Variants in FSTL5 observed in about 807,000 individuals in gnomAD.
FSTL5 encodes the protein follistatin like 5.
FSTL5 carries 62 observed loss-of-function variants against 89.1 expected under a neutral mutation model. The ratio of observed to expected loss-of-function variants is 0.70; its 90% CI spans 0.57 to 0.86. The LOEUF (loss-of-function observed/expected upper bound fraction) is 0.86. FSTL5 is among the 40% of genes least tolerant of loss of function. FSTL5 has a pLI of 0.00. For missense variants in FSTL5, 1,057 were observed against 1,001.6 expected (o/e 1.06, Z -0.75); for synonymous variants, 383 against 346.2 (o/e 1.11, Z -1.18).
At chr4:161,856,531 TC>T (rs1293291906) in intron 4 of FSTL5, among the ~76,000 whole-genome samples, 1 of 151,964 alleles carries the variant, frequency 6.6e-6, no homozygotes, top group Non-Finnish European at 1.5e-5. Context: ...GGTACTCTTC[TC>T]AACCTAGAGA....
At chr4:161,392,397 C>T (rs1005151974) in intron 15 of FSTL5, among the ~76,000 whole-genome samples, 21 of 151,772 alleles carry the variant, frequency 1.4e-4, no homozygotes, top group Non-Finnish European at 2.6e-4. Flanking sequence ...TGCTAATTTT[C>T]GTATTTTTTG....
chr4:161,812,777 G>A (rs1374034914), intron 4 of FSTL5, among the ~76,000 whole-genome samples: 2 of 141,236 alleles, frequency 1.4e-5, no homozygotes, highest in Admixed American at 8.0e-5. Flanking sequence ...TCCTTATGCC[G>A]CCCATTCTGA....
intron 3 of FSTL5, among the ~76,000 whole-genome samples, chr4:161,959,666 A>C (rs1408141557): frequency 2.0e-5 from 3 of 152,122 alleles, no homozygotes; most frequent in Non-Finnish European, 4.4e-5. Context: ...ATATATTTAG[A>C]CTAGAGATGT....
At chr4:161,507,242 A>G (rs1404579512) in intron 11 of FSTL5, among the ~76,000 whole-genome samples, 4 of 151,928 alleles carry the variant, frequency 2.6e-5, no homozygotes, top group Admixed American at 2.6e-4. Context: ...AACATATATT[A>G]TAAACTTTGA....
chr4:161,650,964 T>A (rs1560770956), intron 7 of FSTL5, among the ~76,000 whole-genome samples: 1 of 152,150 alleles, frequency 6.6e-6, no homozygotes, highest in South Asian at 2.1e-4. Flanking sequence ...CTCGGTCACG[T>A]TAACACATCC....
At chr4:161,904,833 G>A (rs1182792593) in intron 4 of FSTL5, among the ~76,000 whole-genome samples, 3 of 151,606 alleles carry the variant, frequency 2.0e-5, no homozygotes, top group African/African-American at 7.3e-5. Flanking sequence ...TGAATGCCAG[G>A]CTTTTAAAAA....
At chr4:161,901,354 G>C (rs1365102547) in intron 4 of FSTL5, among the ~76,000 whole-genome samples, 2 of 152,142 alleles carry the variant, frequency 1.3e-5, no homozygotes, top group African/African-American at 4.8e-5. Flanking sequence ...CAGGGCCTCA[G>C]GTAGGAGTGA....
At chr4:161,672,186 CTA>C (rs2126699197) in intron 6 of FSTL5, among the ~76,000 whole-genome samples, 1 of 152,248 alleles carries the variant, frequency 6.6e-6, no homozygotes, top group South Asian at 2.1e-4. Context: ...CCAAGACTTC[CTA>C]AGTATTTCCC....
chr4:161,538,378 C>A, intron 9 of FSTL5, 78 bp from the exon 10 acceptor site: 1 of 1,495,580 alleles, frequency 6.7e-7, no homozygotes, highest in Admixed American at 1.7e-5. Context: ...CACAGTCAAA[C>A]AGTTCTCTTG....
At chr4:162,143,886 T>G (rs530034375) in intron 1 of FSTL5, among the ~76,000 whole-genome samples, 1 of 152,160 alleles carries the variant, frequency 6.6e-6, no homozygotes, top group Non-Finnish European at 1.5e-5. Context: ...ATCTCAAGTT[T>G]TTTGTATTTT....
At chr4:161,724,627 A>T (rs1739328044) in intron 6 of FSTL5, among the ~76,000 whole-genome samples, 1 of 152,206 alleles carries the variant, frequency 6.6e-6, no homozygotes, top group Non-Finnish European at 1.5e-5. Flanking sequence ...TCTATGTCTG[A>T]ATGCAATAGA....
intron 3 of FSTL5, among the ~76,000 whole-genome samples, chr4:161,936,427 C>G (rs359499): frequency 0.07 from 10,602 of 152,126 alleles, 1,023 homozygotes; most frequent in African/African-American, 0.22. Flanking sequence ...TAAAATAGAT[C>G]TGCAAGGATG....
chr4:161,516,942 G>A (rs1358040580), intron 10 of FSTL5, among the ~76,000 whole-genome samples: 1 of 152,062 alleles, frequency 6.6e-6, no homozygotes, highest in African/African-American at 2.4e-5. Flanking sequence ...TGCCCAGGCT[G>A]GAGCGTAGTG....
chr4:161,582,301 A>G (rs993969250), intron 8 of FSTL5, among the ~76,000 whole-genome samples: 4 of 152,182 alleles, frequency 2.6e-5, no homozygotes, highest in African/African-American at 9.6e-5. Context: ...GTTCTTTTTA[A>G]CTTTTTCTAA....
In FSTL5 at chr4:161,440,914, T is replaced by C. The variant is rs1732737216; in HGVS notation, c.1841+14090A>G. Among the ~76,000 whole-genome samples, 3 of 152,154 alleles carry C rather than the reference T, an allele frequency of 2.0e-5. No homozygotes were observed. The South Asian group carries it at 6.2e-4, about 31-fold the overall frequency. ...CTAATTTATTTTGCATGCATATTGA[T>C]ATTCCTGTTAAATTGCCTAATAAAT... On this transcript the variant is annotated intron_variant, in intron 15 of 15. Transcript: ENST00000306100.
intron 2 of FSTL5, among the ~76,000 whole-genome samples, chr4:162,096,501 G>A (rs1730758228): frequency 6.6e-6 from 1 of 151,716 alleles, no homozygotes; most frequent in Non-Finnish European, 1.5e-5. Context: ...TGTTTGTCTT[G>A]CATTTTCCTG....
At chr4:162,153,831 CT>C (rs1733362916) in intron 1 of FSTL5, among the ~76,000 whole-genome samples, 1 of 144,840 alleles carries the variant, frequency 6.9e-6, no homozygotes, top group Non-Finnish European at 1.5e-5. Flanking sequence ...TTTAGACGGA[CT>C]TTCACTCTTG....
intron 2 of FSTL5, among the ~76,000 whole-genome samples, chr4:162,039,187 T>C (rs758462021): frequency 6.6e-6 from 1 of 151,748 alleles, no homozygotes; most frequent in East Asian, 1.9e-4. Flanking sequence ...CATAGTACTT[T>C]TCACTATACA....
intron 4 of FSTL5, among the ~76,000 whole-genome samples, chr4:161,913,193 T>G (rs1299541378): frequency 6.6e-6 from 1 of 152,122 alleles, no homozygotes; most frequent in Non-Finnish European, 1.5e-5. Flanking sequence ...CTACAGGAAT[T>G]TGTATAAGCA....
Sources: allele counts gnomAD v4.1 joint callset (sites outside exome capture counted in the v4.1 genomes callset), GRCh38; gene constraint gnomAD v4.1.1; transcripts MANE v1.5; gene names NCBI Gene and HGNC (gene_info 2026-07-23, HGNC 2026-07-21).